RNF38: variants seen among roughly 807,000 people sequenced by gnomAD.
RNF38 encodes ring finger protein 38.
A neutral mutation model predicts 67.2 loss-of-function variants in RNF38; 15 were observed. That is an observed-to-expected ratio of 0.22 (90% CI 0.15 to 0.34). The LOEUF (loss-of-function observed/expected upper bound fraction) is 0.34. RNF38 is among the 10% of genes least tolerant of loss of function. The probability of loss-of-function intolerance (pLI) is 1.00; values close to 1 mark genes in which losing one functional copy is unlikely to be tolerated. For missense variants in RNF38, 524 were observed against 639.9 expected, an observed-to-expected ratio of 0.82 and a Z score of 1.95; for synonymous variants, 220 against 218.8, an observed-to-expected ratio of 1.01 and a Z score of -0.05.
chr9:36,337,750 C>T lies in RNF38; in HGVS notation c.*2002G>A, dbSNP rs1832557206. The stretch of plus-strand genomic sequence containing the variant: ...TAACACACTTTTTATTCATCAGGAA[C>T]AGGTGAGGGATATCCTAATGATTTA... On this transcript the variant is annotated 3_prime_UTR_variant, in exon 12 of 12. Transcript: ENST00000259605. 1 of 152,476 alleles carries T rather than the reference C, an allele frequency of 6.6e-6. No individual in the cohort carries two copies. Among genetic ancestry groups the T allele is most frequent in the Middle Eastern group, 3.2e-3 (1 of 316 alleles). 9.4% of individuals were successfully genotyped at this position (152,476 alleles called of 1,614,324 possible). A position where few individuals can be genotyped will look rare whatever the true frequency, so the allele number is the denominator to read the frequency against.
At chr9:36,346,908 A>T in intron 9 of RNF38, among the ~76,000 whole-genome samples, 1 of 152,086 alleles carries the variant, frequency 6.6e-6, no homozygotes, top group Admixed American at 6.6e-5. Flanking sequence ...ACTTGAGGTC[A>T]GGCATTTGAG....
intron 1 of RNF38, among the ~76,000 whole-genome samples, chr9:36,475,348 T>C (rs1199268266): frequency 6.6e-6 from 1 of 151,974 alleles, no homozygotes; most frequent in Non-Finnish European, 1.5e-5. Flanking sequence ...TATTAGTAAT[T>C]ATTAATCATT....
At position 36,475,996 on chromosome 9, in the gene RNF38, G is replaced by A. The variant is rs150942740; in HGVS notation, n.241+11312C>T. Among the ~76,000 whole-genome samples, 385 of 133,746 alleles carry A rather than the reference G, an allele frequency of 2.9e-3. 6 individuals are homozygous for A. Among genetic ancestry groups the A allele is most frequent in the African/African-American group, 9.2e-3 (336 of 36,536 alleles). The allele number at this position is 133,746 out of a possible 152,430, so 87.7% of individuals were successfully genotyped here. ...TGTACTCCAGCCTGGGTGACAGAGC[G>A]GGACTCTGTTTCCAAAAAAAAAAAA... On this transcript the variant is annotated intron_variant and non_coding_transcript_variant, in intron 1 of 3. Transcript: ENST00000488058.
chr9:36,487,110 C>G (rs1840433154), intron 1 of RNF38, among the ~76,000 whole-genome samples: 1 of 152,340 alleles, frequency 6.6e-6, no homozygotes, highest in East Asian at 1.9e-4. Flanking sequence ...GGGCTACCCA[C>G]CGGGTGGGAA....
At chr9:36,447,947 C>G (rs1839347160) in intron 1 of RNF38, among the ~76,000 whole-genome samples, 1 of 152,238 alleles carries the variant, frequency 6.6e-6, no homozygotes, top group Non-Finnish European at 1.5e-5. Flanking sequence ...CTTCTACCCC[C>G]TAAGTTCTTC....
intron 1 of RNF38, among the ~76,000 whole-genome samples, chr9:36,446,808 A>AAG (rs1839312135): frequency 1.7e-5 from 2 of 118,064 alleles, no homozygotes; most frequent in Non-Finnish European, 3.6e-5. Context: ...ACTCCGCCTC[A>AAG]AGAAAAAAAA....
At chr9:36,378,335 C>T (rs1835934560) in intron 2 of RNF38, among the ~76,000 whole-genome samples, 1 of 151,938 alleles carries the variant, frequency 6.6e-6, no homozygotes, top group African/African-American at 2.4e-5. Context: ...TGCCACCATG[C>T]CCAGCTAATT....
At chr9:36,393,112 T>C (rs1837236473) in intron 1 of RNF38, among the ~76,000 whole-genome samples, 1 of 152,212 alleles carries the variant, frequency 6.6e-6, no homozygotes, top group African/African-American at 2.4e-5. Context: ...AAGGCCATCC[T>C]GCCTTCAACT....
intron 2 of RNF38, among the ~76,000 whole-genome samples, chr9:36,383,325 C>T (rs1836345472): frequency 6.6e-6 from 1 of 152,146 alleles, no homozygotes; most frequent in African/African-American, 2.4e-5. Flanking sequence ...CCTCAGTCTA[C>T]CAAGTAGCTG....
chr9:36,347,515 T>A (rs1156828178), intron 9 of RNF38, among the ~76,000 whole-genome samples: 1 of 152,246 alleles, frequency 6.6e-6, no homozygotes, highest in Non-Finnish European at 1.5e-5. Flanking sequence ...ATATCTGCTA[T>A]AATGATCTCT....
intron 1 of RNF38, among the ~76,000 whole-genome samples, chr9:36,397,481 G>A (rs952059613): frequency 1.3e-5 from 2 of 152,148 alleles, no homozygotes; most frequent in Admixed American, 1.3e-4. Context: ...CTATGTGGGT[G>A]AGGATGTTCA....
chr9:36,402,639 C>CT (rs1838081567), upstream of RNF38, among the ~76,000 whole-genome samples: 1 of 152,170 alleles, frequency 6.6e-6, no homozygotes, highest in African/African-American at 2.4e-5. Context: ...TGGGAGCTAT[C>CT]TAACTGTAAG....
intron 6 of RNF38, among the ~76,000 whole-genome samples, chr9:36,354,546 T>C (rs1160032678): frequency 1.3e-5 from 2 of 152,224 alleles, no homozygotes; most frequent in African/African-American, 4.8e-5. Context: ...TATGTCTACC[T>C]TCTCTGCTTA....
In RNF38 at chr9:36,369,898, G is replaced by A. The variant is rs751322110; in HGVS notation, c.391C>T (p.Arg131Cys). 10 of 1,613,202 alleles carry A rather than the reference G, an allele frequency of 6.2e-6. No individual in the cohort carries two copies. Among genetic ancestry groups the A allele is most frequent in the African/African-American group, 1.3e-5 (1 of 74,992 alleles). Reference protein sequence around the residue: ...PVRRQRGRRDRLSRHNSISQD... With the variant: ...PVRRQRGRRDCLSRHNSISQD... ...CTAATGGAATTATGTCGAGACAGAC[G>A]ATCCCTTCTTCCTCTCTGGCGCCTG... The change falls in exon 4 of 12, where the codon CGT becomes TGT. Residue 131 changes from arginine to cysteine, a missense_variant. By Grantham distance (180) the Arg-to-Cys change is radical. This residue lies in a region of RNF38 where 461 missense variants were observed against 517.4 expected (regional missense o/e 0.89). Coordinates refer to ENST00000259605, the MANE Select transcript of RNF38 (RefSeq NM_022781.5).
chr9:36,420,503 G>A (rs1172374703), intron 2 of RNF38, among the ~76,000 whole-genome samples: 1 of 120,184 alleles, frequency 8.3e-6, no homozygotes, highest in African/African-American at 2.9e-5. Flanking sequence ...CTGCACTCCA[G>A]CCTGGGCAAC....
chr9:36,461,478 A>C (rs928460379), intron 1 of RNF38, among the ~76,000 whole-genome samples: 7 of 152,206 alleles, frequency 4.6e-5, no homozygotes, highest in African/African-American at 1.7e-4. Flanking sequence ...AAGAGACAGG[A>C]AAAACTGTAA....
At chr9:36,451,093 G>A (rs1300535671) in intron 1 of RNF38, among the ~76,000 whole-genome samples, 3 of 152,112 alleles carry the variant, frequency 2.0e-5, no homozygotes, top group Admixed American at 6.6e-5. Context: ...GTGTTAATAC[G>A]CACCTTGGGA....
intron 3 of RNF38, among the ~76,000 whole-genome samples, chr9:36,373,014 T>C (rs1835500261): frequency 6.6e-6 from 1 of 152,194 alleles, no homozygotes; most frequent in African/African-American, 2.4e-5. Context: ...GAGACCAGCC[T>C]GGCCAACATG....
At chr9:36,366,432 T>C (rs571282804) in intron 4 of RNF38, among the ~76,000 whole-genome samples, 1 of 152,294 alleles carries the variant, frequency 6.6e-6, no homozygotes, top group East Asian at 1.9e-4. Context: ...TGTTAATGTA[T>C]CTTTTAAAAA....
Sources: allele counts gnomAD v4.1 joint callset (sites outside exome capture counted in the v4.1 genomes callset), GRCh38; gene constraint gnomAD v4.1.1; regional missense constraint gnomAD v4.1.1; transcripts MANE v1.5; gene names NCBI Gene and HGNC (gene_info 2026-07-23, HGNC 2026-07-21).